LDLRAD4: variants seen among roughly 807,000 people sequenced by gnomAD.
LDLRAD4 encodes the protein low-density lipoprotein receptor class A domain-containing protein 4.
In LDLRAD4, 5 loss-of-function variants were observed where a neutral mutation model predicts 17.0. The ratio of observed to expected loss-of-function variants is 0.29; its 90% CI spans 0.15 to 0.62. The LOEUF (loss-of-function observed/expected upper bound fraction) is 0.62, where lower values mean the gene tolerates loss of function less well. Among genes scored for constraint, LDLRAD4 ranks in the 20% least tolerant of loss-of-function variants. LDLRAD4 has a pLI of 0.84. For missense variants in LDLRAD4, 340 were observed against 424.7 expected, an observed-to-expected ratio of 0.80 and a Z score of 1.75; for synonymous variants, 168 against 171.8, an observed-to-expected ratio of 0.98 and a Z score of 0.17.
intron 1 of LDLRAD4, among the ~76,000 whole-genome samples, chr18:13,380,191 T>G (rs2085248099): frequency 6.6e-6 from 1 of 152,246 alleles, no homozygotes; most frequent in African/African-American, 2.4e-5. Context: ...GGCCAAGCCC[T>G]GACCCTTTCC....
intron 3 of LDLRAD4, among the ~76,000 whole-genome samples, chr18:13,555,636 T>C (rs185001551): frequency 1.1e-3 from 173 of 152,322 alleles, no homozygotes; most frequent in African/African-American, 3.9e-3. Flanking sequence ...GTTGCTACCC[T>C]AGGGTGCAAA....
intron 3 of LDLRAD4, among the ~76,000 whole-genome samples, chr18:13,570,644 G>C (rs1031640063): frequency 7.9e-5 from 12 of 152,200 alleles, no homozygotes; most frequent in African/African-American, 2.4e-4. Context: ...GAAATGAGGA[G>C]TCCCAGTTAA....
chr18:13,616,774 C>T (rs1486617630), intron 3 of LDLRAD4, among the ~76,000 whole-genome samples: 1 of 152,212 alleles, frequency 6.6e-6, no homozygotes, highest in Non-Finnish European at 1.5e-5. Flanking sequence ...GCTCAGGCCT[C>T]ATCAGGCTGC....
chr18:13,589,010 C>A (rs1229639465), intron 3 of LDLRAD4, among the ~76,000 whole-genome samples: 2 of 150,488 alleles, frequency 1.3e-5, no homozygotes, highest in African/African-American at 2.5e-5. Flanking sequence ...TTCATTGTAA[C>A]CTCCGCCTCC....
chr18:13,539,367 C>CT (rs2094243815), intron 3 of LDLRAD4, among the ~76,000 whole-genome samples: 1 of 152,126 alleles, frequency 6.6e-6, no homozygotes. Context: ...GCTCAATTTC[C>CT]TTTTGTTATA....
rs1038111110 is a variant in LDLRAD4 at position 13,367,857 on chromosome 18, G to T, written c.-382-19484G>T. On this transcript the variant is annotated intron_variant, in intron 1 of 5. Coordinates refer to ENST00000359446, the Ensembl canonical transcript of LDLRAD4. This position sits in a 1 kb window ranked among gnomAD's most constrained non-coding sequence, Gnocchi z 4.1. Reference sequence around the variant, plus strand: ...GGGGTGTGGGGGTGTGCTATCAAGGGGTGTATCGAGAGGGGACGACTGGGC... The same window carrying T: ...GGGGTGTGGGGGTGTGCTATCAAGGTGTGTATCGAGAGGGGACGACTGGGC... 6.6e-6 allele frequency among the ~76,000 whole-genome samples: 1 copy of T among 151,822 alleles called. No homozygotes were observed. The highest frequency in any genetic ancestry group is 2.4e-5 in the African/African-American group (1 of 41,352).
intron 1 of LDLRAD4, among the ~76,000 whole-genome samples, chr18:13,260,980 G>A (rs756591775): frequency 2.6e-5 from 4 of 152,188 alleles, no homozygotes; most frequent in Non-Finnish European, 5.9e-5. Flanking sequence ...AGACACTGCC[G>A]GTGCCCCACC....
At chr18:13,492,565 G>A (rs2093381381) in intron 3 of LDLRAD4, among the ~76,000 whole-genome samples, 1 of 152,178 alleles carries the variant, frequency 6.6e-6, no homozygotes. Flanking sequence ...CATCAAAAAG[G>A]CCACAGGATG....
rs1371427482 is a variant in LDLRAD4 at position 13,610,299 on chromosome 18, T to C, written c.182-10818T>C. ...TTTTTTTTTTTTTTTTTTTTTTTTT[T>C]TTTTTTGAGACGGAGTCTCACTCTG... On this transcript the variant is annotated intron_variant, in intron 3 of 5. Coordinates refer to ENST00000359446, the Ensembl canonical transcript of LDLRAD4. Among the ~76,000 whole-genome samples the C allele has an allele frequency of 3.0e-3, 182 of 60,942 alleles. 10 individuals carry two copies. Among genetic ancestry groups the C allele is most frequent in the African/African-American group, 5.6e-3 (77 of 13,630 alleles). 40.0% of individuals were successfully genotyped at this position (60,942 alleles called of 152,430 possible).
At chr18:13,551,745 A>T (rs9947231) in intron 3 of LDLRAD4, among the ~76,000 whole-genome samples, 8,850 of 152,194 alleles carry the variant, frequency 0.058, 556 homozygotes, top group African/African-American at 0.15. Context: ...TGCCATGAAT[A>T]TGGGCCTATC....
intron 4 of LDLRAD4, among the ~76,000 whole-genome samples, chr18:13,640,063 A>C (rs1041011427): frequency 6.6e-6 from 1 of 152,106 alleles, no homozygotes; most frequent in African/African-American, 2.4e-5. Context: ...GAGGCGGGTG[A>C]ATCACAAGGT....
intron 3 of LDLRAD4, among the ~76,000 whole-genome samples, chr18:13,453,234 G>A (rs984355260): frequency 3.3e-5 from 5 of 152,136 alleles, no homozygotes; most frequent in East Asian, 1.9e-4. Flanking sequence ...ACGTGCTCGC[G>A]TTTTGGAAAT....
chr18:13,331,091 T>A (rs1056998097), intron 1 of LDLRAD4, among the ~76,000 whole-genome samples: 6 of 152,182 alleles, frequency 3.9e-5, no homozygotes, highest in African/African-American at 1.4e-4. Flanking sequence ...TTTCCTTGAG[T>A]TCTGTAAGCT....
At chr18:13,439,660 G>C (rs2090901308) in intron 3 of LDLRAD4, among the ~76,000 whole-genome samples, 1 of 152,208 alleles carries the variant, frequency 6.6e-6, no homozygotes, top group African/African-American at 2.4e-5. Flanking sequence ...CCAAGGCCCA[G>C]GATGGCCCGG....
chr18:13,652,555 A>T (rs922414542), exon 6 of LDLRAD4: 4 of 152,618 alleles, frequency 2.6e-5, no homozygotes, highest in Admixed American at 6.5e-5. Flanking sequence ...ACAGAAAAAG[A>T]TTTCCACCTG....
At chr18:13,336,578 C>G (rs569708022) in intron 1 of LDLRAD4, among the ~76,000 whole-genome samples, 35 of 152,216 alleles carry the variant, frequency 2.3e-4, no homozygotes, top group African/African-American at 8.4e-4. Context: ...CTAGGCTTTT[C>G]TAATCCATTC....
At chr18:13,574,323 T>C (rs1057012403) in intron 3 of LDLRAD4, among the ~76,000 whole-genome samples, 4 of 152,156 alleles carry the variant, frequency 2.6e-5, no homozygotes, top group Non-Finnish European at 5.9e-5. Context: ...ATGGCAGCAC[T>C]CTTCCCATGC....
intron 3 of LDLRAD4, chr18:13,612,284 A>C (rs913087243): frequency 1.6e-5 from 16 of 1,008,770 alleles, no homozygotes; most frequent in Non-Finnish European, 5.9e-6. Flanking sequence ...AAACCTGAGA[A>C]GTGCAGACTG....
chr18:13,632,532 C>T (rs1476106209), intron 4 of LDLRAD4, among the ~76,000 whole-genome samples: 3 of 152,188 alleles, frequency 2.0e-5, no homozygotes. Flanking sequence ...TGTGATGGTA[C>T]CCGGAAGCTT....
Sources: gnomAD v4.1 joint callset for allele counts (sites outside exome capture counted in the v4.1 genomes callset) on GRCh38, gnomAD v4.1.1 for gene constraint, Gnocchi (gnomAD v3.1) non-coding constraint, MANE v1.5 for transcripts, NCBI Gene and HGNC (gene_info 2026-07-23, HGNC 2026-07-21) for gene names.